The following FOXK2 variants were observed in gnomAD, a reference collection of about 807,000 sequenced individuals.
FOXK2 encodes forkhead box K2.
In FOXK2, 24 loss-of-function variants were observed where a neutral mutation model predicts 53.3. The observed-to-expected ratio is 0.45, with a 90% CI of 0.33 to 0.63. The LOEUF is 0.63. Among genes scored for constraint, FOXK2 ranks in the 30% least tolerant of loss-of-function variants. The pLI is 0.03. For synonymous variants in FOXK2, 505 were observed against 407.1 expected, an observed-to-expected ratio of 1.24 and a Z score of -2.89; for missense variants, 952 against 910.5, an observed-to-expected ratio of 1.05 and a Z score of -0.59.
chr17:82,572,844 A>AG (rs1018596049), intron 4 of FOXK2, among the ~76,000 whole-genome samples: 7 of 152,128 alleles, frequency 4.6e-5, no homozygotes, highest in African/African-American at 1.7e-4. Context: ...TATTTATTGA[A>AG]GGGGAAAAAC....
chr17:82,537,939 C>G (rs1037754815), intron 1 of FOXK2, among the ~76,000 whole-genome samples: 3 of 148,504 alleles, frequency 2.0e-5, no homozygotes, highest in Admixed American at 1.3e-4. Flanking sequence ...AAAAAAAATC[C>G]GTGGCCAGGC....
intron 8 of FOXK2, chr17:82,587,557 G>A (rs1429029819): frequency 2.2e-6 from 1 of 453,920 alleles, no homozygotes; most frequent in African/African-American, 2.0e-5. Context: ...TGGCCTGGAA[G>A]CGGCCTGAAA....
chr17:82,595,957 C>A (rs1480359638), intron 8 of FOXK2: 16 of 1,225,656 alleles, frequency 1.3e-5, no homozygotes, highest in Non-Finnish European at 1.7e-5. Flanking sequence ...TCCAGAGACA[C>A]CTACAGCGTG....
intron 1 of FOXK2, among the ~76,000 whole-genome samples, chr17:82,528,082 G>C (rs891795421): frequency 3.9e-5 from 6 of 152,138 alleles, no homozygotes; most frequent in African/African-American, 1.4e-4. Context: ...ACAGGTGCGA[G>C]CCACCCTGCC....
rs1204095652 is a variant in FOXK2 at position 82,587,096 on chromosome 17, C to G, written c.1610C>G (p.Ala537Gly). The G allele has an allele frequency of 6.2e-7, 1 of 1,613,004 alleles. No homozygotes were observed. Among genetic ancestry groups the G allele is most frequent in the Non-Finnish European group, 8.5e-7 (1 of 1,180,018 alleles). Reference sequence around the variant, plus strand: ...GAGCCTATTCCCGCCATTGGCCACGCCACGCTCGGCACTGCCAGCCGGATC... The same window carrying G: ...GAGCCTATTCCCGCCATTGGCCACGGCACGCTCGGCACTGCCAGCCGGATC... ...KVEPIPAIGH[A>G]TLGTASRIIQ... The change falls in exon 8 of 9, where the codon GCC (alanine) becomes GGC (glycine). Residue 537 changes from alanine (A) to glycine (G), a missense_variant. By Grantham distance (60) the Ala-to-Gly change is moderately conservative (BLOSUM62 0). This residue lies in a region of FOXK2 where 551 missense variants were observed against 385.1 expected (regional missense o/e 1.43). Transcript: ENST00000335255.
intron 8 of FOXK2, chr17:82,596,044 T>A: frequency 8.9e-7 from 1 of 1,122,062 alleles, no homozygotes; most frequent in South Asian, 2.0e-5. Flanking sequence ...ATCTCTGGCC[T>A]ACCGCAGTGG....
At chr17:82,575,385 C>T (rs76974730) in intron 4 of FOXK2, among the ~76,000 whole-genome samples, 6,637 of 152,150 alleles carry the variant, frequency 0.044, 209 homozygotes, top group South Asian at 0.094. Context: ...TCGTAGGTGC[C>T]CAGTCAAATA....
intron 8 of FOXK2, chr17:82,599,674 C>T (rs1362128704): frequency 6.6e-6 from 1 of 152,296 alleles, no homozygotes; most frequent in Non-Finnish European, 1.5e-5. Context: ...CCCCGGCTAT[C>T]TGGCCATGAG....
intron 8 of FOXK2, chr17:82,595,955 CACCT>C: frequency 8.1e-7 from 1 of 1,235,082 alleles, no homozygotes; most frequent in Non-Finnish European, 1.0e-6. Context: ...TGTCCAGAGA[CACCT>C]ACAGCGTGGA....
chr17:82,524,808 T>A (rs1396770316), intron 1 of FOXK2, among the ~76,000 whole-genome samples: 2 of 152,114 alleles, frequency 1.3e-5, no homozygotes, highest in Non-Finnish European at 2.9e-5. Context: ...AGTGAGCCAG[T>A]GGAGGTTGCC....
chr17:82,569,624 C>G lies in FOXK2; in HGVS notation c.762+1423C>G, dbSNP rs184340164. ...TTTTCTGTCTGTTTTATATGTTTTTCAATTTAAAAAGTTTTTAGAAACATA... is the reference window on the plus strand; with the variant it reads ...TTTTCTGTCTGTTTTATATGTTTTTGAATTTAAAAAGTTTTTAGAAACATA... On this transcript the variant is annotated intron_variant, in intron 3 of 8. Transcript: ENST00000335255. Among the ~76,000 whole-genome samples, 702 of 152,158 alleles carry G rather than the reference C, an allele frequency of 4.6e-3. 2 individuals are homozygous for G. Among genetic ancestry groups the G allele is most frequent in the Non-Finnish European group, 8.9e-3 (605 of 68,006 alleles).
rs752059176 is a variant in FOXK2 at position 82,586,247 on chromosome 17, AGGTGGGCCGGGGGGG to A, written c.1576+49_1576+63del. 3.4e-5 allele frequency: 20 copies of A among 592,168 alleles called. No homozygotes were observed. In the African/African-American group the frequency reaches 4.3e-4, roughly 13 times the overall value. The allele number at this position is 592,168 out of a possible 1,614,324, so 36.7% of individuals were successfully genotyped here. ...AGAGGGGAGACCACAGGGAGGTGAAAGGTGGGCCGGGGGGGGAAAGGAGGAGAGGGGAGACCACAG... is the reference window on the plus strand; with the variant it reads ...AGAGGGGAGACCACAGGGAGGTGAAAGAAAGGAGGAGAGGGGAGACCACAG... On this transcript the variant is annotated intron_variant, in intron 7 of 8. Transcript: ENST00000335255.
chr17:82,601,004 TAAC>T (rs2045376462), intron 8 of FOXK2: 1 of 347,788 alleles, frequency 2.9e-6, no homozygotes, highest in South Asian at 4.8e-5. Flanking sequence ...TTATAGGACA[TAAC>T]AAAGATGATG....
chr17:82,583,270 C>T (rs1248711577), intron 5 of FOXK2, among the ~76,000 whole-genome samples: 4 of 152,222 alleles, frequency 2.6e-5, no homozygotes, highest in Non-Finnish European at 4.4e-5. Flanking sequence ...TTAGGCCGGG[C>T]GCTGTGGCTC....
At chr17:82,585,622 T>A (rs1460642526) in intron 6 of FOXK2, among the ~76,000 whole-genome samples, 1 of 152,202 alleles carries the variant, frequency 6.6e-6, no homozygotes, top group South Asian at 2.1e-4. Flanking sequence ...TTATTGAGTA[T>A]TGACATTTTC....
At position 82,587,114 on chromosome 17, in the gene FOXK2, G is replaced by C. The variant is rs774546764; in HGVS notation, c.1628G>C (p.Ser543Thr). The C allele has an allele frequency of 6.2e-7, 1 of 1,613,026 alleles. No individual in the cohort carries two copies. The highest frequency in any genetic ancestry group is 8.5e-7 in the Non-Finnish European group (1 of 1,179,996). The change falls in exon 8 of 9, where the codon AGC becomes ACC. Residue 543 changes from serine to threonine, a missense_variant. Physicochemically the swap from Ser to Thr is moderately conservative, Grantham distance 58 (BLOSUM62 1). Coordinates refer to ENST00000335255, the MANE Select transcript of FOXK2 (RefSeq NM_004514.4). ...GGCCACGCCACGCTCGGCACTGCCAGCCGGATCATTCAGACGGCACAGACC... is the reference window on the plus strand; with the variant it reads ...GGCCACGCCACGCTCGGCACTGCCACCCGGATCATTCAGACGGCACAGACC... ...AIGHATLGTA[S>T]RIIQTAQTTP...
At chr17:82,523,782 A>G (rs1555634537) in intron 1 of FOXK2, among the ~76,000 whole-genome samples, 1 of 151,510 alleles carries the variant, frequency 6.6e-6, no homozygotes, top group Non-Finnish European at 1.5e-5. Flanking sequence ...TGGCCCTAAA[A>G]TCTTTTTTTC....
chr17:82,581,937 A>G lies in FOXK2; in HGVS notation c.910-804A>G, dbSNP rs2045067693. ...GGAAATTTTTCCTGTGTACGTTACG[A>G]AATTATTTCAGAGTTCAAATAAAAA... On this transcript the variant is annotated intron_variant, in intron 4 of 8. Transcript: ENST00000335255. 2.0e-5 allele frequency among the ~76,000 whole-genome samples: 3 copies of G among 152,278 alleles called. No individual in the cohort carries two copies. In the South Asian group the frequency reaches 6.2e-4, roughly 32 times the overall value.
intron 2 of FOXK2, among the ~76,000 whole-genome samples, chr17:82,565,093 A>G (rs1199033582): frequency 1.3e-5 from 2 of 152,196 alleles, no homozygotes; most frequent in Non-Finnish European, 2.9e-5. Flanking sequence ...CTTCCCAACA[A>G]GTGGTACCAG....
Sources: gnomAD v4.1 joint callset for allele counts (sites outside exome capture counted in the v4.1 genomes callset) on GRCh38, gnomAD v4.1.1 for gene constraint, gnomAD v4.1.1 regional missense constraint, MANE v1.5 for transcripts, NCBI Gene and HGNC (gene_info 2026-07-23, HGNC 2026-07-21) for gene names.